The following SH3GL3 variants were observed in gnomAD, a reference collection of about 807,000 sequenced individuals.
The protein encoded by SH3GL3 is SH3 domain containing GRB2 like 3, endophilin A3.
In SH3GL3, 33 loss-of-function variants were observed where a neutral mutation model predicts 47.7. The ratio of observed to expected loss-of-function variants is 0.69; its 90% CI spans 0.52 to 0.92. The LOEUF is 0.92. Ranked by LOEUF, SH3GL3 falls within the 40% of genes least tolerant of loss-of-function variation. The pLI is 0.00. For missense variants in SH3GL3, 363 were observed against 417.8 expected (o/e 0.87, Z 1.14); for synonymous variants, 155 against 148.8 (o/e 1.04, Z -0.30).
intron 1 of SH3GL3, among the ~76,000 whole-genome samples, chr15:83,518,151 C>T (rs1406458555): frequency 2.0e-5 from 3 of 151,732 alleles, no homozygotes; most frequent in Admixed American, 6.6e-5. Context: ...AGTCCACTGT[C>T]GATGTGAACC....
chr15:83,616,586 A>G (rs1472723409), intron 8 of SH3GL3, among the ~76,000 whole-genome samples: 2 of 152,162 alleles, frequency 1.3e-5, no homozygotes, highest in Non-Finnish European at 2.9e-5. Flanking sequence ...ATAAATTGAC[A>G]CTAAATGTCA....
chr15:83,517,711 T>A (rs2043044060), intron 1 of SH3GL3, among the ~76,000 whole-genome samples: 18 of 152,172 alleles, frequency 1.2e-4, no homozygotes, highest in Admixed American at 1.2e-3. Flanking sequence ...GTCAAAATTA[T>A]TTATTTTGCA....
intron 1 of SH3GL3, chr15:83,490,681 A>G (rs2041838234): frequency 3.9e-6 from 5 of 1,270,456 alleles, no homozygotes; most frequent in African/African-American, 1.5e-5. Flanking sequence ...GCACCTGCAC[A>G]TCAGGGAAAA....
chr15:83,512,084 G>A (rs898809886), intron 1 of SH3GL3, among the ~76,000 whole-genome samples: 4 of 150,866 alleles, frequency 2.7e-5, no homozygotes, highest in African/African-American at 4.9e-5. Flanking sequence ...GGTAAGGGGG[G>A]CCTTGACAGG....
chr15:83,539,322 G>T (rs905993593), intron 1 of SH3GL3, among the ~76,000 whole-genome samples: 2 of 152,192 alleles, frequency 1.3e-5, no homozygotes, highest in African/African-American at 4.8e-5. Flanking sequence ...CAGTCTTCTT[G>T]CTGTGTCCCT....
chr15:83,624,302 C>T, the SH3GL3 span, among the ~76,000 whole-genome samples: 13 of 152,154 alleles, frequency 8.5e-5, no homozygotes, highest in African/African-American at 2.7e-4. Flanking sequence ...AACTGGGTTT[C>T]ATTCAAATCT....
chr15:83,572,248 G>A (rs578244644), intron 4 of SH3GL3, among the ~76,000 whole-genome samples: 1 of 152,134 alleles, frequency 6.6e-6, no homozygotes, highest in Admixed American at 6.6e-5. Flanking sequence ...GGAACCCTCC[G>A]TGCCAGTTTC....
downstream of SH3GL3, among the ~76,000 whole-genome samples, chr15:83,622,635 A>T (rs1390120386): frequency 6.6e-6 from 1 of 152,228 alleles, no homozygotes; most frequent in Non-Finnish European, 1.5e-5. Context: ...CAGTGAGTTG[A>T]AATGGAAGTG....
At chr15:83,613,703 T>G (rs2060736622) in intron 8 of SH3GL3, among the ~76,000 whole-genome samples, 1 of 152,092 alleles carries the variant, frequency 6.6e-6, no homozygotes, top group Admixed American at 6.5e-5. Flanking sequence ...TGTGTCAGCC[T>G]ATGAAATGTC....
chr15:83,548,455 AG>A lies in SH3GL3; in HGVS notation c.46-10797del, dbSNP rs535235053. ...ACACACTACATATATAATTTTTTAA[AG>A]AACTCCCTTTAGTGTTTCTTTTGGT... On this transcript the variant is annotated intron_variant, in intron 1 of 8. Coordinates refer to ENST00000427482, the MANE Select transcript of SH3GL3 (RefSeq NM_003027.5). Among the ~76,000 whole-genome samples the A allele has an allele frequency of 2.8e-4, 43 of 151,612 alleles. No homozygotes were observed. In the South Asian group the frequency reaches 8.5e-3, roughly 30 times the overall value.
At chr15:83,463,845 T>G (rs2040433982) in intron 1 of SH3GL3, among the ~76,000 whole-genome samples, 1 of 148,912 alleles carries the variant, frequency 6.7e-6, no homozygotes, top group Non-Finnish European at 1.5e-5. Flanking sequence ...ATTGGCTCAC[T>G]GCAACCTCTG....
the SH3GL3 span, among the ~76,000 whole-genome samples, chr15:83,632,505 A>G: frequency 2.0e-5 from 3 of 152,352 alleles, no homozygotes; most frequent in Non-Finnish European, 4.4e-5. Context: ...CAGAGACTGG[A>G]TAATTTATAA....
intron 1 of SH3GL3, among the ~76,000 whole-genome samples, chr15:83,527,992 G>T (rs554118554): frequency 6.6e-6 from 1 of 152,238 alleles, no homozygotes; most frequent in African/African-American, 2.4e-5. Context: ...TAGTGGTGAT[G>T]AATTATCTTG....
At chr15:83,570,465 C>T (rs938322919) in intron 4 of SH3GL3, among the ~76,000 whole-genome samples, 2 of 152,142 alleles carry the variant, frequency 1.3e-5, no homozygotes, top group Non-Finnish European at 2.9e-5. Flanking sequence ...AGTTCACAGA[C>T]ACACTTACTG....
At chr15:83,473,337 G>C (rs551189573) in intron 1 of SH3GL3, among the ~76,000 whole-genome samples, 1 of 152,200 alleles carries the variant, frequency 6.6e-6, no homozygotes, top group South Asian at 2.1e-4. Context: ...ATTTCAGCCT[G>C]GCAAGGGTAG....
At chr15:83,596,044 A>G (rs932679986) in intron 8 of SH3GL3, among the ~76,000 whole-genome samples, 3 of 152,142 alleles carry the variant, frequency 2.0e-5, no homozygotes, top group African/African-American at 7.2e-5. Context: ...CTTGAGCACC[A>G]TCTCATGCAT....
intron 1 of SH3GL3, among the ~76,000 whole-genome samples, chr15:83,554,804 G>T (rs562740289): frequency 6.6e-6 from 1 of 152,160 alleles, no homozygotes; most frequent in Non-Finnish European, 1.5e-5. Flanking sequence ...TTTCCCCTGC[G>T]ATAGTTTTAG....
At chr15:83,584,983 G>A (rs1386214853) in intron 6 of SH3GL3, among the ~76,000 whole-genome samples, 3 of 152,228 alleles carry the variant, frequency 2.0e-5, no homozygotes, top group Non-Finnish European at 4.4e-5. Context: ...TCGTGGTTCA[G>A]GAAGCTGAAT....
At chr15:83,607,894 C>G in intron 8 of SH3GL3, among the ~76,000 whole-genome samples, 1 of 148,394 alleles carries the variant, frequency 6.7e-6, no homozygotes, top group Non-Finnish European at 1.5e-5. Context: ...ACAACAACAA[C>G]AAAAAAAACA....
Sources: gnomAD v4.1 joint callset for allele counts (sites outside exome capture counted in the v4.1 genomes callset) on GRCh38, gnomAD v4.1.1 for gene constraint, MANE v1.5 for transcripts, NCBI Gene and HGNC (gene_info 2026-07-23, HGNC 2026-07-21) for gene names.